The following VWF variants were observed in gnomAD, a reference collection of about 807,000 sequenced individuals.
The protein encoded by VWF is Factor VIII related antigen.
In VWF, 176 loss-of-function variants were observed where a neutral mutation model predicts 308.6. The observed-to-expected ratio is 0.57, with a 90% CI of 0.50 to 0.65. The LOEUF (loss-of-function observed/expected upper bound fraction) is 0.65. VWF is among the 30% of genes least tolerant of loss of function. VWF has a pLI of 0.00. For synonymous variants in VWF, 1,385 were observed against 1,443.4 expected (o/e 0.96, Z 0.92); for missense variants, 3,146 against 3,648.2 (o/e 0.86, Z 3.55).
In VWF at chr12:6,123,180, A is replaced by C. The variant is rs1478605207; in HGVS notation, c.17T>G (p.Phe6Cys). MIPAR[F>C]AGVLLALALI... The stretch of plus-strand genomic sequence containing the variant: ...GGCCAGAGCAAGCAGCACCCCGGCA[A>C]ATCTGGCAGGAATCATCTGCAAAGA... Residue 6 changes from phenylalanine (F) to cysteine (C), a missense_variant, in exon 2 of 52, where the codon TTT (phenylalanine) becomes TGT (cysteine). Physicochemically the swap from Phe to Cys is radical, Grantham distance 205. Transcript: ENST00000261405. 5.6e-6 allele frequency: 9 copies of C among 1,614,088 alleles called. No individual in the cohort carries two copies. The East Asian group carries it at 2.0e-4, about 36-fold the overall frequency.
intron 48 of VWF, among the ~76,000 whole-genome samples, chr12:5,952,739 T>C (rs1359131089): frequency 6.6e-6 from 1 of 152,182 alleles, no homozygotes; most frequent in African/African-American, 2.4e-5. Flanking sequence ...TGTAGACTCT[T>C]CCGACCAGTT....
chr12:5,987,690 C>T (rs1009971736), intron 38 of VWF, among the ~76,000 whole-genome samples: 1 of 152,254 alleles, frequency 6.6e-6, no homozygotes, highest in African/African-American at 2.4e-5. Context: ...AAACAGACAG[C>T]ATCATGGATG....
At chr12:5,985,790 C>T in intron 38 of VWF, 125 bp from the exon 39 acceptor site, 1 of 880,176 alleles carries the variant, frequency 1.1e-6, no homozygotes, top group Non-Finnish European at 1.8e-6. Flanking sequence ...CTGACAGAGC[C>T]TCACAGGCAA....
Position 5,967,471 on chromosome 12 carries a change from T to G in VWF, c.7887+15A>C. 6.2e-7 allele frequency: 1 copy of G among 1,612,832 alleles called. No homozygotes were observed. On this transcript the variant is annotated intron_variant, in intron 47 of 51. Coordinates refer to ENST00000261405, the MANE Select transcript of VWF (RefSeq NM_000552.5). Reference sequence around the variant, plus strand: ...GTCCAGTCCATGCCCTCGGTCCCCATTGAGCCTCTCTTACCAGGGGGCAGG... The same window carrying G: ...GTCCAGTCCATGCCCTCGGTCCCCAGTGAGCCTCTCTTACCAGGGGGCAGG...
intron 47 of VWF, among the ~76,000 whole-genome samples, chr12:5,960,026 AAAAGTTGGATCTTTG>A (rs1254271596): frequency 1.2e-4 from 18 of 148,834 alleles, no homozygotes; most frequent in Middle Eastern, 3.8e-3. Context: ...CAACAAAGGC[AAAAGTTGGATCTTTG>A]AAAGATTAAT....
intron 33 of VWF, 137 bp downstream of exon 33, chr12:6,011,950 A>G (rs1451308870): frequency 7.7e-7 from 1 of 1,300,946 alleles, no homozygotes; most frequent in African/African-American, 1.5e-5. Flanking sequence ...CAAGATGTAC[A>G]GATGGACCCG....
At chr12:5,964,885 A>C (rs913135357) in intron 47 of VWF, among the ~76,000 whole-genome samples, 10 of 152,190 alleles carry the variant, frequency 6.6e-5, no homozygotes, top group Non-Finnish European at 1.0e-4. Flanking sequence ...CGAAGGGGGC[A>C]ACAGTGTTAA....
intron 20 of VWF, among the ~76,000 whole-genome samples, chr12:6,032,388 C>A (rs2136427705): frequency 6.6e-6 from 1 of 151,356 alleles, no homozygotes; most frequent in East Asian, 2.0e-4. Flanking sequence ...GCCTGTAATC[C>A]CAGCACTTTG....
intron 46 of VWF, 143 bp downstream of exon 46, chr12:5,967,984 C>T (rs992374451): frequency 2.6e-5 from 30 of 1,174,918 alleles, no homozygotes; most frequent in Non-Finnish European, 3.4e-5. Context: ...ATGCCAGGCA[C>T]GTCCCACAGG....
At chr12:6,090,249 G>A (rs912283752) in intron 6 of VWF, among the ~76,000 whole-genome samples, 4 of 152,132 alleles carry the variant, frequency 2.6e-5, no homozygotes, top group African/African-American at 4.8e-5. Context: ...GAGCCACCGT[G>A]CCCGGCCGAA....
At chr12:6,041,927 C>T (rs1230480616) in intron 18 of VWF, among the ~76,000 whole-genome samples, 1 of 152,202 alleles carries the variant, frequency 6.6e-6, no homozygotes, top group Non-Finnish European at 1.5e-5. Flanking sequence ...ATGGGTGCAG[C>T]CTCTGAGACA....
Position 5,949,892 on chromosome 12 carries a change from C to G in VWF, c.8156-9G>C. 6.2e-7 allele frequency: 1 copy of G among 1,610,624 alleles called. No individual in the cohort carries two copies. The highest frequency in any genetic ancestry group is 8.5e-7 in the Non-Finnish European group (1 of 1,178,386). On this transcript the variant is annotated splice_polypyrimidine_tract_variant and intron_variant, in intron 50 of 51. Transcript: ENST00000261405. ...GCACTCAGGCTCCTCACCTACAGGA[C>G]AGGTGAGAGATGAAACTTGAGGACT...
At chr12:6,084,522 C>T (rs991349356) in intron 6 of VWF, among the ~76,000 whole-genome samples, 9 of 152,050 alleles carry the variant, frequency 5.9e-5, no homozygotes, top group African/African-American at 1.2e-4. Flanking sequence ...AGACATCAGG[C>T]GGGTGCAGGG....
chr12:6,079,381 C>A (rs1334541621), intron 6 of VWF, among the ~76,000 whole-genome samples: 1 of 151,992 alleles, frequency 6.6e-6, no homozygotes, highest in Admixed American at 6.6e-5. Flanking sequence ...CCAAGGCGGG[C>A]GGATCAAGAG....
At chr12:6,096,038 A>G (rs1406478384) in intron 5 of VWF, 1 of 246,032 alleles carries the variant, frequency 4.1e-6, no homozygotes, top group Non-Finnish European at 8.1e-6. Context: ...ACAGTGCTCA[A>G]CCTAACACCA....
At position 6,075,383 on chromosome 12, in the gene VWF, C is replaced by T. The variant is rs761003216; in HGVS notation, c.826G>A (p.Ala276Thr). 1.2e-6 allele frequency: 2 copies of T among 1,614,142 alleles called. No homozygotes were observed. Among genetic ancestry groups the T allele is most frequent in the East Asian group, 4.5e-5 (2 of 44,874 alleles). ...PALLEYARTC[A>T]QEGMVLYGWT... ...CCGTACAGCACCATTCCCTCCTGGG[C>T]ACAGGTCCGGGCGTACTCCAGGAGG... Residue 276 changes from alanine to threonine, a missense_variant, in exon 7 of 52, where the codon GCC becomes ACC. Physicochemically the swap from Ala to Thr is moderately conservative, Grantham distance 58 (BLOSUM62 0). This residue lies in a region of VWF where 1,304 missense variants were observed against 1,353.0 expected (regional missense o/e 0.96). Transcript: ENST00000261405. The surrounding 1 kb of genome is among the most constrained non-coding windows in gnomAD (Gnocchi z 4.7).
At chr12:5,954,307 C>T (rs544729169) in intron 47 of VWF, among the ~76,000 whole-genome samples, 25 of 152,308 alleles carry the variant, frequency 1.6e-4, no homozygotes, top group South Asian at 6.2e-4. Context: ...GCTGTAGTTA[C>T]GGCACAGTGG....
At chr12:6,116,327 G>C (rs751000857) in intron 3 of VWF, among the ~76,000 whole-genome samples, 3 of 152,254 alleles carry the variant, frequency 2.0e-5, no homozygotes, top group Non-Finnish European at 4.4e-5. Context: ...ATTAGAGTGA[G>C]AGGAATCCTG....
rs777999227 is a variant in VWF at position 6,031,589 on chromosome 12, A to G, written c.2686-11T>C. 1.9e-6 allele frequency: 3 copies of G among 1,613,836 alleles called. No homozygotes were observed. Among genetic ancestry groups the G allele is most frequent in the South Asian group, 2.2e-5 (2 of 91,072 alleles). ...ACTGCCGCAGTAATCCTGGGGAAAGAGGAGTGCCAGGAGAAGACCATTATC... is the reference window on the plus strand; with the variant it reads ...ACTGCCGCAGTAATCCTGGGGAAAGGGGAGTGCCAGGAGAAGACCATTATC... On this transcript the variant is annotated splice_polypyrimidine_tract_variant and intron_variant, in intron 20 of 51. Transcript: ENST00000261405.
Sources: allele counts gnomAD v4.1 joint callset (sites outside exome capture counted in the v4.1 genomes callset), GRCh38; gene constraint gnomAD v4.1.1; regional missense constraint gnomAD v4.1.1; non-coding constraint Gnocchi (gnomAD v3.1); transcripts MANE v1.5; gene names NCBI Gene and HGNC (gene_info 2026-07-23, HGNC 2026-07-21).